Variants in DAB1 observed in about 807,000 individuals in gnomAD.
DAB1 encodes the protein disabled homolog 1.
A neutral mutation model predicts 64.6 loss-of-function variants in DAB1; 15 were observed. The ratio of observed to expected loss-of-function variants is 0.23; its 90% confidence interval spans 0.16 to 0.36. The LOEUF is 0.36. DAB1 is among the 10% of genes least tolerant of loss of function. DAB1 has a pLI of 1.00. For synonymous variants in DAB1, 235 were observed against 251.9 expected, an observed-to-expected ratio of 0.93 and a Z score of 0.64; for missense variants, 596 against 706.7, an observed-to-expected ratio of 0.84 and a Z score of 1.78.
chr1:58,227,403 T>TAGCATATTTAAAATTTA (rs1659549602), intron 4 of DAB1, among the ~76,000 whole-genome samples: 2 of 152,242 alleles, frequency 1.3e-5, no homozygotes, highest in Admixed American at 1.3e-4. Context: ...GGCAGAGGAA[T>TAGCATATTTAAAATTTA]AGCATATTTA....
intron 1 of DAB1, among the ~76,000 whole-genome samples, chr1:57,873,325 C>A (rs1326075216): frequency 6.6e-6 from 1 of 152,058 alleles, no homozygotes; most frequent in African/African-American, 2.4e-5. Context: ...AGGGTGAGAG[C>A]AGGGTCTGCT....
At chr1:57,204,289 C>T (rs1665354468) in intron 2 of DAB1, among the ~76,000 whole-genome samples, 1 of 151,884 alleles carries the variant, frequency 6.6e-6, no homozygotes, top group Non-Finnish European at 1.5e-5. Context: ...ACTTGGAAAT[C>T]CCCAAATCTA....
intron 5 of DAB1, among the ~76,000 whole-genome samples, chr1:57,997,490 G>T (rs768586172): frequency 6.6e-6 from 1 of 152,060 alleles, no homozygotes. Flanking sequence ...AACTTGTCTT[G>T]GTCCCTCCCT....
intron 5 of DAB1, among the ~76,000 whole-genome samples, chr1:58,135,414 C>G (rs1424928479): frequency 6.6e-6 from 1 of 152,094 alleles, no homozygotes; most frequent in Non-Finnish European, 1.5e-5. Flanking sequence ...GACTAGCTAC[C>G]AGGTACCGAG....
chr1:58,396,791 G>A (rs1444429612), intron 3 of DAB1, among the ~76,000 whole-genome samples: 3 of 152,118 alleles, frequency 2.0e-5, no homozygotes, highest in Admixed American at 1.3e-4. Flanking sequence ...GTCCGGGCGC[G>A]GTGGCTCACG....
At chr1:58,089,160 C>T (rs1026119129) in intron 5 of DAB1, among the ~76,000 whole-genome samples, 1 of 152,206 alleles carries the variant, frequency 6.6e-6, no homozygotes, top group Admixed American at 6.5e-5. Flanking sequence ...AACACTGTCT[C>T]GAAGTTTAAC....
rs142323418 is a variant in DAB1 at position 58,407,204 on chromosome 1, G to A, written n.258-63801C>T. ...AGCCCCACCCTTCAGGAAGACTTCC[G>A]TCTTTGTCAGATTTCTGTGCTGCAG... On this transcript the variant is annotated intron_variant and non_coding_transcript_variant, in intron 3 of 20. Coordinates refer to the DAB1 transcript ENST00000485760. Among the ~76,000 whole-genome samples, 162 of 152,168 alleles carry A rather than the reference G, an allele frequency of 1.1e-3. No homozygotes were observed. In the Middle Eastern group the frequency reaches 0.014, roughly 13 times the overall value.
intron 5 of DAB1, among the ~76,000 whole-genome samples, chr1:58,087,002 G>T (rs578240129): frequency 8.5e-5 from 13 of 152,180 alleles, no homozygotes; most frequent in African/African-American, 3.1e-4. Flanking sequence ...ATGAGCTGTG[G>T]AATCTGACAA....
intron 5 of DAB1, among the ~76,000 whole-genome samples, chr1:57,993,738 A>C (rs146527752): frequency 1.0e-3 from 153 of 150,668 alleles, no homozygotes; most frequent in African/African-American, 3.4e-3. Context: ...CACGTTTTAG[A>C]GCTCATTGTA....
At chr1:58,385,012 C>G (rs1644421359) in intron 3 of DAB1, among the ~76,000 whole-genome samples, 1 of 152,200 alleles carries the variant, frequency 6.6e-6, no homozygotes, top group African/African-American at 2.4e-5. Context: ...TATTTTGCAT[C>G]CTTCAATCCA....
intron 6 of DAB1, among the ~76,000 whole-genome samples, chr1:57,772,457 G>C (rs965576976): frequency 6.6e-6 from 1 of 152,078 alleles, no homozygotes; most frequent in Non-Finnish European, 1.5e-5. Flanking sequence ...CCAGATTTTG[G>C]TTATTGTGAA....
intron 3 of DAB1, among the ~76,000 whole-genome samples, chr1:58,404,626 G>A (rs1048599745): frequency 6.6e-6 from 1 of 152,172 alleles, no homozygotes; most frequent in African/African-American, 2.4e-5. Context: ...TTGACCAAGA[G>A]CCACAGATTC....
chr1:56,996,025 C>A lies in DAB1; in HGVS notation c.*2119G>T, dbSNP rs908695022. The A allele has an allele frequency of 6.6e-6, 1 of 152,016 alleles. No individual in the cohort carries two copies. The highest frequency in any genetic ancestry group is 1.9e-4 in the East Asian group (1 of 5,194). The allele number at this position is 152,016 out of a possible 1,614,324, so 9.4% of individuals were successfully genotyped here. On this transcript the variant is annotated 3_prime_UTR_variant, in exon 15 of 15. Coordinates refer to ENST00000371236, the MANE Select transcript of DAB1 (RefSeq NM_001365792.1). ...ATATTGACATATATTCTTGAATAGA[C>A]GTTTGGTCAGTTTATCTAACTGAAA...
chr1:57,082,592 TA>T (rs1327413884), intron 4 of DAB1, among the ~76,000 whole-genome samples: 1 of 152,136 alleles, frequency 6.6e-6, no homozygotes, highest in African/African-American at 2.4e-5. Context: ...GTTGCATAGG[TA>T]AAAGTGTACC....
chr1:57,039,690 C>T (rs1647480052), intron 9 of DAB1, among the ~76,000 whole-genome samples: 1 of 152,120 alleles, frequency 6.6e-6, no homozygotes, highest in Admixed American at 6.5e-5. Flanking sequence ...GTTGTAACTC[C>T]ATGTTTTGAT....
chr1:57,288,486 A>C (rs916002841), intron 2 of DAB1, among the ~76,000 whole-genome samples: 5 of 152,112 alleles, frequency 3.3e-5, no homozygotes, highest in Non-Finnish European at 5.9e-5. Context: ...TGTGATGGGA[A>C]AGAAGAGAAG....
At chr1:57,934,555 C>G (rs1236927974) in intron 5 of DAB1, among the ~76,000 whole-genome samples, 1 of 152,188 alleles carries the variant, frequency 6.6e-6, no homozygotes, top group Non-Finnish European at 1.5e-5. Context: ...TCAGTGATCA[C>G]TATGTGCTAA....
chr1:58,142,057 C>G (rs190744591), intron 5 of DAB1, among the ~76,000 whole-genome samples: 1 of 152,048 alleles, frequency 6.6e-6, no homozygotes, highest in Non-Finnish European at 1.5e-5. Flanking sequence ...TTTTAACCAA[C>G]GTTCATGAGC....
intron 4 of DAB1, chr1:58,229,015 C>A: frequency 2.5e-6 from 1 of 402,116 alleles, no homozygotes; most frequent in Admixed American, 3.0e-5. Context: ...GGGCAGATCA[C>A]CCATGCAGTG....
Sources: gnomAD v4.1 joint callset for allele counts (sites outside exome capture counted in the v4.1 genomes callset) on GRCh38, gnomAD v4.1.1 for gene constraint, MANE v1.5 for transcripts, NCBI Gene and HGNC (gene_info 2026-07-23, HGNC 2026-07-21) for gene names.